Variants in PMPCB observed in about 807,000 individuals in gnomAD.
PMPCB encodes peptidase, mitochondrial processing subunit beta.
PMPCB carries 46 observed loss-of-function variants against 61.5 expected under a neutral mutation model. The observed-to-expected ratio is 0.75, with a 90% CI of 0.59 to 0.96. The LOEUF (loss-of-function observed/expected upper bound fraction) is 0.96. Ranked by LOEUF, PMPCB falls within the 40% of genes least tolerant of loss-of-function variation. The pLI, the probability that PMPCB is intolerant of heterozygous loss-of-function variation, is 0.00. For missense variants in PMPCB, 590 were observed against 602.4 expected (o/e 0.98, Z 0.22); for synonymous variants, 191 against 201.6 (o/e 0.95, Z 0.44).
the PMPCB span, among the ~76,000 whole-genome samples, chr7:103,335,007 T>C: frequency 1.3e-5 from 2 of 152,002 alleles, no homozygotes; most frequent in African/African-American, 4.8e-5. Flanking sequence ...CTAATTTTTA[T>C]ATTTTTAGTA....
chr7:103,346,379 C>G, the PMPCB span, among the ~76,000 whole-genome samples: 8 of 152,294 alleles, frequency 5.3e-5, no homozygotes, highest in African/African-American at 1.9e-4. Context: ...GATCTGCCTG[C>G]TTCAGCCTCC....
rs1369363230 is a variant in PMPCB, at chr7:103,312,818, T to C, written c.*547T>C. 5 of 1,519,126 alleles carry C rather than the reference T, an allele frequency of 3.3e-6. No individual in the cohort carries two copies. The Admixed American group carries it at 6.9e-5, about 21-fold the overall frequency. The allele number at this position is 1,519,126 out of a possible 1,614,324, so 94.1% of individuals were successfully genotyped here. A position where few individuals can be genotyped will look rare whatever the true frequency, so the allele number is the denominator to read the frequency against. On this transcript the variant is annotated 3_prime_UTR_variant, in exon 13 of 13. Coordinates refer to ENST00000249269, the MANE Select transcript of PMPCB (RefSeq NM_004279.3). ...GGTTGCTCATTTCTTCCTCATAATA[T>C]TGACCCCATAACTACTGGTTTTGAA... is the stretch of plus-strand genomic sequence containing the variant.
At chr7:103,344,580 T>C in the PMPCB span, 6 of 1,613,482 alleles carry the variant, frequency 3.7e-6, no homozygotes, top group Non-Finnish European at 5.1e-6. Flanking sequence ...GCGTGGGTGA[T>C]GGCGGTGCCC....
At chr7:103,326,699 G>T in intron 12 of PMPCB, 2 of 1,596,652 alleles carry the variant, frequency 1.3e-6, no homozygotes, top group Non-Finnish European at 1.7e-6. Context: ...GAAAAAAATT[G>T]TTAAGATCAC....
the PMPCB span, chr7:103,344,450 G>T: frequency 7.8e-7 from 1 of 1,274,336 alleles, no homozygotes; most frequent in Non-Finnish European, 1.1e-6. Context: ...ATACGGCCCC[G>T]GGGCTAGTCG....
At chr7:103,320,279 G>A (rs535328346) in intron 12 of PMPCB, among the ~76,000 whole-genome samples, 4 of 151,752 alleles carry the variant, frequency 2.6e-5, no homozygotes, top group African/African-American at 9.7e-5. Flanking sequence ...TAGTAGAGAC[G>A]GGGTTTCACC....
chr7:103,326,408 A>G (rs1204084883), intron 12 of PMPCB: 5 of 748,558 alleles, frequency 6.7e-6, no homozygotes, highest in Admixed American at 3.0e-5. Flanking sequence ...ATTGCAGAGA[A>G]GGAGGAGGAG....
intron 12 of PMPCB, among the ~76,000 whole-genome samples, chr7:103,323,005 T>C (rs1292537408): frequency 1.3e-5 from 2 of 152,056 alleles, no homozygotes; most frequent in Admixed American, 6.6e-5. Context: ...TTTTGGCTCA[T>C]TGCAACCTCT....
Position 103,313,392 on chromosome 7 carries a change from GGTA to G in PMPCB, c.*1122_*1124del. On this transcript the variant is annotated 3_prime_UTR_variant, in exon 13 of 13. Transcript: ENST00000249269. ...ATCAATGTAATACACTCACCAGACTGGTAAAAAGCCATATTTAAATTTATAGTA... is the reference window on the plus strand; with the variant it reads ...ATCAATGTAATACACTCACCAGACTGAAAAGCCATATTTAAATTTATAGTA... 3 of 984,104 alleles carry G rather than the reference GGTA, an allele frequency of 3.0e-6. No individual in the cohort carries two copies. Among genetic ancestry groups the G allele is most frequent in the Non-Finnish European group, 3.6e-6 (3 of 828,790 alleles). 61.0% of individuals were successfully genotyped at this position (984,104 alleles called of 1,614,324 possible).
the PMPCB span, chr7:103,336,755 T>C: frequency 6.6e-6 from 1 of 152,232 alleles, no homozygotes; most frequent in African/African-American, 2.4e-5. Flanking sequence ...TACCATATGC[T>C]TTGTCTAGAC....
At chr7:103,330,772 G>T (rs1173798262), downstream of PMPCB, among the ~76,000 whole-genome samples, 2 of 151,318 alleles carry the variant, frequency 1.3e-5, no homozygotes, top group Non-Finnish European at 2.9e-5. Flanking sequence ...TGTAGGGGAG[G>T]GGTTTCGTCA....
the PMPCB span, chr7:103,341,839 G>A: frequency 1.9e-6 from 3 of 1,611,794 alleles, no homozygotes; most frequent in African/African-American, 2.7e-5. Flanking sequence ...CTGATTCCTC[G>A]GATAACTCTT....
chr7:103,319,136 TCAAAAA>T (rs554198410), downstream of PMPCB, among the ~76,000 whole-genome samples: 571 of 151,852 alleles, frequency 3.8e-3, 3 homozygotes, highest in African/African-American at 0.014. Flanking sequence ...AGACTCCATC[TCAAAAA>T]CAAAAACAAA....
intron 12 of PMPCB, chr7:103,327,425 G>C (rs887844586): frequency 7.8e-5 from 68 of 871,488 alleles, no homozygotes; most frequent in Non-Finnish European, 1.1e-4. Flanking sequence ...CAGGGCCTGA[G>C]ACTGCATTTC....
At chr7:103,314,843 G>A (rs1429344288), downstream of PMPCB, among the ~76,000 whole-genome samples, 1 of 152,158 alleles carries the variant, frequency 6.6e-6, no homozygotes, top group Non-Finnish European at 1.5e-5. Context: ...CTTATGTATA[G>A]TCAAGTCTAT....
downstream of PMPCB, among the ~76,000 whole-genome samples, chr7:103,334,222 A>G (rs892855498): frequency 1.3e-5 from 2 of 150,796 alleles, no homozygotes; most frequent in African/African-American, 2.4e-5. Flanking sequence ...AAGTGCTGGG[A>G]TTACAGGTGT....
intron 12 of PMPCB, among the ~76,000 whole-genome samples, chr7:103,321,202 CAAT>C (rs1298499768): frequency 2.6e-5 from 4 of 151,552 alleles, no homozygotes; most frequent in African/African-American, 9.7e-5. Context: ...TCAACAACAA[CAAT>C]AACAAAAACT....
At chr7:103,302,547 C>G (rs1264706460) in intron 4 of PMPCB, among the ~76,000 whole-genome samples, 3 of 152,158 alleles carry the variant, frequency 2.0e-5, no homozygotes, top group Non-Finnish European at 4.4e-5. Context: ...TTACTGGACT[C>G]TGTTCTCTTA....
At position 103,313,330 on chromosome 7, in the gene PMPCB, T is replaced by G; in HGVS notation, c.*1059T>G. 7.8e-7 allele frequency: 1 copy of G among 1,281,342 alleles called. No individual in the cohort carries two copies. Among genetic ancestry groups the G allele is most frequent in the Non-Finnish European group, 9.8e-7 (1 of 1,015,894 alleles). The allele number at this position is 1,281,342 out of a possible 1,614,324, so 79.4% of individuals were successfully genotyped here. A position where few individuals can be genotyped will look rare whatever the true frequency, so the allele number is the denominator to read the frequency against. On this transcript the variant is annotated 3_prime_UTR_variant, in exon 13 of 13. Coordinates refer to ENST00000249269, the MANE Select transcript of PMPCB (RefSeq NM_004279.3). ...AATCTCAAAGGCTTTTAAAACACAA[T>G]AGTAAAGATCTACCTTGTACTGTTT...
Sources: gnomAD v4.1 joint callset for allele counts (sites outside exome capture counted in the v4.1 genomes callset) on GRCh38, gnomAD v4.1.1 for gene constraint, MANE v1.5 for transcripts, NCBI Gene and HGNC (gene_info 2026-07-23, HGNC 2026-07-21) for gene names.